ZNF423: variants seen among roughly 807,000 people sequenced by gnomAD.
ZNF423 encodes the protein Ebf-associated zinc finger protein.
ZNF423 carries 12 observed loss-of-function variants against 95.8 expected under a neutral mutation model. The ratio of observed to expected loss-of-function variants is 0.13; its 90% CI spans 0.08 to 0.20. The LOEUF (loss-of-function observed/expected upper bound fraction) is 0.20. ZNF423 is among the 10% of genes least tolerant of loss of function. The pLI is 1.00. For missense variants in ZNF423, 1,316 were observed against 1,737.1 expected (o/e 0.76, Z 4.31); for synonymous variants, 749 against 711.9 (o/e 1.05, Z -0.83).
chr16:49,534,971 C>T (rs1969002930), intron 5 of ZNF423, among the ~76,000 whole-genome samples: 1 of 152,166 alleles, frequency 6.6e-6, no homozygotes, highest in Non-Finnish European at 1.5e-5. Context: ...CCCAAGTTTC[C>T]CATTTCTTTA....
intron 1 of ZNF423, among the ~76,000 whole-genome samples, chr16:49,835,127 C>A (rs906139241): frequency 6.6e-6 from 1 of 152,136 alleles, no homozygotes; most frequent in Non-Finnish European, 1.5e-5. Context: ...CACCCCCTGG[C>A]CTTGGGGGGC....
intron 1 of ZNF423, among the ~76,000 whole-genome samples, chr16:49,837,886 C>G (rs573237241): frequency 4.1e-4 from 62 of 152,330 alleles, no homozygotes; most frequent in African/African-American, 1.4e-3. Flanking sequence ...AGTGCCCTCC[C>G]GGGAGGACCT....
intron 5 of ZNF423, among the ~76,000 whole-genome samples, chr16:49,574,186 C>G (rs1970430756): frequency 6.6e-6 from 1 of 152,132 alleles, no homozygotes; most frequent in African/African-American, 2.4e-5. Context: ...GAGTTCAAGA[C>G]CAGCCTGGGC....
At chr16:49,644,367 C>A (rs1351773061) in intron 3 of ZNF423, among the ~76,000 whole-genome samples, 2 of 151,966 alleles carry the variant, frequency 1.3e-5, no homozygotes, top group South Asian at 4.2e-4. Context: ...ATAAAAATGA[C>A]CATCCAGCCG....
chr16:49,838,126 C>T (rs571272473), intron 1 of ZNF423, among the ~76,000 whole-genome samples: 3 of 152,366 alleles, frequency 2.0e-5, no homozygotes, highest in South Asian at 2.1e-4. Context: ...AGAATCATGA[C>T]TCAAATCTGT....
chr16:49,828,133 T>C (rs2035025537), intron 1 of ZNF423, among the ~76,000 whole-genome samples: 1 of 152,092 alleles, frequency 6.6e-6, no homozygotes, highest in Non-Finnish European at 1.5e-5. Context: ...GACCCCACAT[T>C]CCAAATTCAG....
rs1272698347 is a variant in ZNF423 at position 49,487,556 on chromosome 16, C to T, written c.*3719G>A. ...TACAGTACAATTTCACTTTATTCAT[C>T]GTTGTCATCATGATTGTTATAATAA... On this transcript the variant is annotated 3_prime_UTR_variant, in exon 8 of 8. Coordinates refer to ENST00000563137, the MANE Select transcript of ZNF423 (RefSeq NM_001379286.1). 2 of 152,136 alleles carry T rather than the reference C, an allele frequency of 1.3e-5. No individual in the cohort carries two copies. The highest frequency in any genetic ancestry group is 4.8e-5 in the African/African-American group (2 of 41,420). 9.4% of individuals were successfully genotyped at this position (152,136 alleles called of 1,614,324 possible). A position where few individuals can be genotyped will look rare whatever the true frequency, so the allele number is the denominator to read the frequency against.
At chr16:49,695,692 G>A (rs1183450005) in intron 3 of ZNF423, among the ~76,000 whole-genome samples, 1 of 152,264 alleles carries the variant, frequency 6.6e-6, no homozygotes, top group Non-Finnish European at 1.5e-5. Context: ...CTCCCAAAGT[G>A]CCAGGATTAC....
intron 1 of ZNF423, among the ~76,000 whole-genome samples, chr16:49,816,473 T>C (rs2143996873): frequency 6.6e-6 from 1 of 152,232 alleles, no homozygotes; most frequent in South Asian, 2.1e-4. Flanking sequence ...CAAACAGTGC[T>C]CTCCCTGGAT....
chr16:49,772,001 T>C (rs1424002778), intron 2 of ZNF423, among the ~76,000 whole-genome samples: 1 of 151,902 alleles, frequency 6.6e-6, no homozygotes, highest in Admixed American at 6.6e-5. Flanking sequence ...TATGAGGGCC[T>C]GGATCATACA....
chr16:49,740,647 G>A (rs914236907), intron 2 of ZNF423, among the ~76,000 whole-genome samples: 10 of 152,320 alleles, frequency 6.6e-5, no homozygotes, highest in African/African-American at 2.4e-4. Context: ...GGGAGACCCC[G>A]GTGTCCCTAT....
At chr16:49,519,931 C>T (rs932514251) in intron 7 of ZNF423, among the ~76,000 whole-genome samples, 17 of 152,188 alleles carry the variant, frequency 1.1e-4, no homozygotes, top group African/African-American at 3.1e-4. Context: ...TTTGCACTCA[C>T]GGCTCTCTTC....
At chr16:49,825,597 G>A (rs902106641) in intron 1 of ZNF423, among the ~76,000 whole-genome samples, 1 of 151,960 alleles carries the variant, frequency 6.6e-6, no homozygotes, top group Admixed American at 6.6e-5. Context: ...GAAGGCAGTG[G>A]GGGAGACATT....
intron 5 of ZNF423, among the ~76,000 whole-genome samples, chr16:49,550,859 T>A (rs528112539): frequency 4.3e-4 from 65 of 152,334 alleles, no homozygotes; most frequent in Admixed American, 2.1e-3. Context: ...GCCCATGTGG[T>A]CACACACAGA....
intron 3 of ZNF423, among the ~76,000 whole-genome samples, chr16:49,683,496 C>A (rs1275564893): frequency 2.0e-5 from 3 of 152,112 alleles, no homozygotes; most frequent in Admixed American, 6.5e-5. Flanking sequence ...GACAAAGGAC[C>A]AAGTTCACTC....
At chr16:49,575,798 G>C (rs1302902486) in intron 5 of ZNF423, among the ~76,000 whole-genome samples, 1 of 152,204 alleles carries the variant, frequency 6.6e-6, no homozygotes, top group Non-Finnish European at 1.5e-5. Context: ...GACCAGGTGA[G>C]GCCTGGCCTT....
intron 3 of ZNF423, among the ~76,000 whole-genome samples, chr16:49,656,960 C>T (rs535826656): frequency 1.3e-5 from 2 of 152,288 alleles, no homozygotes; most frequent in South Asian, 4.1e-4. Flanking sequence ...ACATGGATTC[C>T]CTGACCTCAG....
Position 49,487,994 on chromosome 16 carries a change from T to C in ZNF423, c.*3281A>G, listed in dbSNP as rs1966871605. The C allele has an allele frequency of 6.6e-6, 1 of 152,228 alleles. No homozygotes were observed. Among genetic ancestry groups the C allele is most frequent in the Non-Finnish European group, 1.5e-5 (1 of 68,040 alleles). 9.4% of individuals were successfully genotyped at this position (152,228 alleles called of 1,614,324 possible). A position where few individuals can be genotyped will look rare whatever the true frequency, so the allele number is the denominator to read the frequency against. On this transcript the variant is annotated 3_prime_UTR_variant, in exon 8 of 8. Transcript: ENST00000563137. The stretch of plus-strand genomic sequence containing the variant: ...ACTGGCATGCTTGCCTGTGCCACTG[T>C]GGCCTCCATGAGGCCAGGGACCACA...
rs1441053037 is a variant in ZNF423, at chr16:49,677,235, A to AGAGAAGAGAAGAGAAGAGAG, written c.302-38362_302-38361insCTCTCTTCTCTTCTCTTCTC. ...TCCAACATAGAAACAAGAAAAGAGA[A>AGAGAAGAGAAGAGAAGAGAG]GAGAAGAGAAGATAAGAGAAGAGAA... is the stretch of plus-strand genomic sequence containing the variant. On this transcript the variant is annotated intron_variant, in intron 3 of 7. Coordinates refer to ENST00000563137, the MANE Select transcript of ZNF423 (RefSeq NM_001379286.1). Among the ~76,000 whole-genome samples the AGAGAAGAGAAGAGAAGAGAG allele has an allele frequency of 1.3e-3, 17 of 13,540 alleles. 1 individual carries two copies. The highest frequency in any genetic ancestry group is 5.8e-3 in the African/African-American group (17 of 2,924). 8.9% of individuals were successfully genotyped at this position (13,540 alleles called of 152,430 possible).
Sources: allele counts gnomAD v4.1 joint callset (sites outside exome capture counted in the v4.1 genomes callset), GRCh38; gene constraint gnomAD v4.1.1; transcripts MANE v1.5; gene names NCBI Gene and HGNC (gene_info 2026-07-23, HGNC 2026-07-21).